KLF15: variants seen among roughly 807,000 people sequenced by gnomAD.
The protein encoded by KLF15 is Krueppel-like factor 15.
In KLF15, 4 loss-of-function variants were observed where a neutral mutation model predicts 24.6. That is an observed-to-expected ratio of 0.16 (90% CI 0.08 to 0.37). The LOEUF is 0.37. Among genes scored for constraint, KLF15 ranks in the 10% least tolerant of loss-of-function variants. The probability of loss-of-function intolerance (pLI) is 1.00; values close to 1 mark genes in which losing one functional copy is unlikely to be tolerated. For synonymous variants in KLF15, 246 were observed against 236.3 expected, an observed-to-expected ratio of 1.04 and a Z score of -0.37; for missense variants, 496 against 560.6, an observed-to-expected ratio of 0.88 and a Z score of 1.16.
At chr3:126,318,150 C>A in the KLF15 span, among the ~76,000 whole-genome samples, 3 of 152,154 alleles carry the variant, frequency 2.0e-5, no homozygotes, top group Non-Finnish European at 4.4e-5. Context: ...TCCTTTCCCC[C>A]CAACTCCTCC....
At chr3:126,316,546 T>TAGGGGAGGGAGTACACGGGCCGGAGA in the KLF15 span, among the ~76,000 whole-genome samples, 2 of 105,014 alleles carry the variant, frequency 1.9e-5, no homozygotes, top group Admixed American at 1.1e-4. Context: ...TGGGCCGGAG[T>TAGGGGAGGGAGTACACGGGCCGGAGA]GGGGAAGAGG....
downstream of KLF15, among the ~76,000 whole-genome samples, chr3:126,340,790 G>A (rs554807967): frequency 1.7e-4 from 26 of 152,128 alleles, no homozygotes; most frequent in African/African-American, 6.0e-4. Context: ...AATCACAGAC[G>A]GTCAGAAAGG....
At chr3:126,292,139 G>A in the KLF15 span, among the ~76,000 whole-genome samples, 3 of 152,182 alleles carry the variant, frequency 2.0e-5, no homozygotes, top group Non-Finnish European at 4.4e-5. Flanking sequence ...CCCAGGATGT[G>A]GAGCAGATTC....
At position 126,352,665 on chromosome 3, in the gene KLF15, C is replaced by A; in HGVS notation, c.258G>T (p.Leu86=). The A allele has an allele frequency of 6.3e-7, 1 of 1,599,348 alleles. No homozygotes were observed. The highest frequency in any genetic ancestry group is 2.3e-5 in the East Asian group (1 of 44,132). Residue 86 remains leucine, a synonymous_variant, in exon 2 of 3, where the codon CTG becomes CTT. Transcript: ENST00000296233. The part of the protein sequence containing the change: ...ILDFLLSQAT[L]GSGGGSGSSI... ...TACTGCCGCTGCCCCCGCCACTGCC[C>A]AGCGTGGCCTGGGACAATAGGAAGT...
chr3:126,310,584 G>A, the KLF15 span, among the ~76,000 whole-genome samples: 1 of 152,168 alleles, frequency 6.6e-6, no homozygotes, highest in African/African-American at 2.4e-5. Flanking sequence ...GGCTCTGGAG[G>A]CTGGAAGTCC....
Position 126,356,775 on chromosome 3 carries a change from G to A in KLF15, c.-26+462C>T, listed in dbSNP as rs905298089. ...CTAGAGTCCTGGACCGCTGCCCGCTGGGCACCATGCCCTCGTCCCACGCCC... is the reference window on the plus strand; with the variant it reads ...CTAGAGTCCTGGACCGCTGCCCGCTAGGCACCATGCCCTCGTCCCACGCCC... On this transcript the variant is annotated intron_variant, in intron 1 of 2. Transcript: ENST00000296233. The surrounding 1 kb of genome is among the most constrained non-coding windows in gnomAD (Gnocchi z 4.4). 1.3e-5 allele frequency among the ~76,000 whole-genome samples: 2 copies of A among 152,170 alleles called. No homozygotes were observed. The highest frequency in any genetic ancestry group is 6.5e-5 in the Admixed American group (1 of 15,296).
At chr3:126,309,947 C>G in the KLF15 span, among the ~76,000 whole-genome samples, 1 of 152,228 alleles carries the variant, frequency 6.6e-6, no homozygotes, top group Non-Finnish European at 1.5e-5. Context: ...ACCCTGAGCC[C>G]GTTTGTCCCG....
chr3:126,326,833 T>C, the KLF15 span, among the ~76,000 whole-genome samples: 1 of 152,220 alleles, frequency 6.6e-6, no homozygotes, highest in Non-Finnish European at 1.5e-5. Context: ...TTTAATAATT[T>C]TAATTAAGTC....
the KLF15 span, among the ~76,000 whole-genome samples, chr3:126,291,859 C>T: frequency 1.3e-5 from 2 of 152,220 alleles, no homozygotes; most frequent in Non-Finnish European, 2.9e-5. Context: ...AGCCAGGTGC[C>T]CTGGAACTGT....
the KLF15 span, among the ~76,000 whole-genome samples, chr3:126,297,460 T>G: frequency 1.3e-5 from 2 of 152,172 alleles, no homozygotes; most frequent in African/African-American, 4.8e-5. Flanking sequence ...AGTATATTCT[T>G]TTTTTATTTC....
At chr3:126,310,181 AC>A in the KLF15 span, among the ~76,000 whole-genome samples, 1 of 152,168 alleles carries the variant, frequency 6.6e-6, no homozygotes, top group Non-Finnish European at 1.5e-5. Flanking sequence ...TGGCCTAATC[AC>A]CTTGTAAAGG....
chr3:126,351,980 C>T lies in KLF15; in HGVS notation c.943G>A (p.Ala315Thr), dbSNP rs202091653. ...MGQKFPKNPA[A>T]ELIKMHKCTF... ...CATTTGTGCATTTTGATGAGTTCTG[C>T]GGCTGGGTTCTTGGGGAACTTCTGG... Residue 315 changes from alanine to threonine, a missense_variant, in exon 2 of 3, where the codon GCA (alanine) becomes ACA (threonine). Ala to Thr is a moderately conservative substitution (Grantham distance 58). Transcript: ENST00000296233. 7.8e-5 allele frequency: 124 copies of T among 1,593,770 alleles called. No homozygotes were observed. Among genetic ancestry groups the T allele is most frequent in the African/African-American group, 3.8e-4 (28 of 74,594 alleles).
the KLF15 span, among the ~76,000 whole-genome samples, chr3:126,316,431 C>CATGCGCCTGAGTGGGGAAGGGATACT: frequency 6.6e-5 from 2 of 30,442 alleles, no homozygotes; most frequent in Admixed American, 6.6e-4. Context: ...GAAGGGAGTG[C>CATGCGCCTGAGTGGGGAAGGGATACT]ATGGGCCTGA....
chr3:126,307,696 C>A, the KLF15 span, among the ~76,000 whole-genome samples: 1 of 152,208 alleles, frequency 6.6e-6, no homozygotes, highest in Non-Finnish European at 1.5e-5. Context: ...GGATTTCTAG[C>A]TGGTCTTTAA....
At chr3:126,294,381 T>A in the KLF15 span, among the ~76,000 whole-genome samples, 2 of 152,202 alleles carry the variant, frequency 1.3e-5, no homozygotes, top group Non-Finnish European at 2.9e-5. Flanking sequence ...AATTTTACTA[T>A]CCTCTGGTGA....
the KLF15 span, among the ~76,000 whole-genome samples, chr3:126,315,595 C>T: frequency 1.3e-5 from 2 of 152,216 alleles, no homozygotes; most frequent in East Asian, 3.9e-4. Context: ...GATAGAAGGC[C>T]GGCAGGCTCC....
At chr3:126,349,189 C>T (rs1435274642) in intron 2 of KLF15, among the ~76,000 whole-genome samples, 4 of 152,130 alleles carry the variant, frequency 2.6e-5, no homozygotes, top group Non-Finnish European at 4.4e-5. Context: ...GAGGACTCCC[C>T]GCATCCTCAG....
At chr3:126,290,321 G>C in the KLF15 span, among the ~76,000 whole-genome samples, 1 of 152,210 alleles carries the variant, frequency 6.6e-6, no homozygotes, top group African/African-American at 2.4e-5. Flanking sequence ...GATGCAGACA[G>C]GCAAGCCCAG....
At chr3:126,340,967 C>T (rs2082475450), downstream of KLF15, among the ~76,000 whole-genome samples, 1 of 152,226 alleles carries the variant, frequency 6.6e-6, no homozygotes, top group African/African-American at 2.4e-5. Flanking sequence ...TCACTTACCA[C>T]GTGCCACCAC....
Sources: gnomAD v4.1 joint callset for allele counts (sites outside exome capture counted in the v4.1 genomes callset) on GRCh38, gnomAD v4.1.1 for gene constraint, Gnocchi (gnomAD v3.1) non-coding constraint, MANE v1.5 for transcripts, NCBI Gene and HGNC (gene_info 2026-07-23, HGNC 2026-07-21) for gene names.